TANC1: variants seen among roughly 807,000 people sequenced by gnomAD.
The protein encoded by TANC1 is protein TANC1.
In TANC1, 77 loss-of-function variants were observed where a neutral mutation model predicts 149.7. The observed-to-expected ratio is 0.51, with a 90% CI of 0.43 to 0.62. TANC1 has a LOEUF of 0.62. Among genes scored for constraint, TANC1 ranks in the 20% least tolerant of loss-of-function variants. The pLI is 0.00. For synonymous variants in TANC1, 854 were observed against 925.0 expected (o/e 0.92, Z 1.39); for missense variants, 1,985 against 2,321.8 (o/e 0.85, Z 2.98).
chr2:159,082,278 T>C (rs568765929), intron 3 of TANC1, among the ~76,000 whole-genome samples: 1 of 152,192 alleles, frequency 6.6e-6, no homozygotes, highest in South Asian at 2.1e-4. Context: ...AGCGGGCAGC[T>C]GCCCACTGCC....
At chr2:158,991,059 T>A (rs1294594515) in intron 1 of TANC1, among the ~76,000 whole-genome samples, 2 of 119,104 alleles carry the variant, frequency 1.7e-5, no homozygotes, top group African/African-American at 6.7e-5. Context: ...GCCACTGCAC[T>A]CCAACCTGGG....
chr2:159,017,158 CA>C, intron 2 of TANC1, among the ~76,000 whole-genome samples: 1 of 152,082 alleles, frequency 6.6e-6, no homozygotes, highest in Non-Finnish European at 1.5e-5. Flanking sequence ...GGCGCCCTAA[CA>C]GGGGAAAATG....
intron 2 of TANC1, among the ~76,000 whole-genome samples, chr2:159,050,282 A>AT (rs952802438): frequency 2.6e-5 from 4 of 151,914 alleles, no homozygotes; most frequent in Admixed American, 1.3e-4. Context: ...TTAAAAAAAA[A>AT]TTTTTTTTGT....
At chr2:158,972,587 A>G (rs1344359721) in intron 1 of TANC1, among the ~76,000 whole-genome samples, 2 of 152,248 alleles carry the variant, frequency 1.3e-5, no homozygotes, top group Non-Finnish European at 2.9e-5. Context: ...AACAGGTTCT[A>G]AAATGCAATT....
At chr2:159,119,338 G>A (rs1446044003) in intron 4 of TANC1, among the ~76,000 whole-genome samples, 1 of 152,212 alleles carries the variant, frequency 6.6e-6, no homozygotes, top group Non-Finnish European at 1.5e-5. Context: ...TTCAGAACCA[G>A]TGGAGGTGGG....
intron 19 of TANC1, among the ~76,000 whole-genome samples, chr2:159,203,226 G>A (rs940967051): frequency 1.8e-5 from 1 of 56,674 alleles, no homozygotes; most frequent in Non-Finnish European, 3.6e-5. Flanking sequence ...TTTTTTTTTT[G>A]AGATGGAGTC....
intron 5 of TANC1, among the ~76,000 whole-genome samples, chr2:159,145,002 G>A (rs1655285413): frequency 6.6e-6 from 1 of 152,124 alleles, no homozygotes; most frequent in African/African-American, 2.4e-5. Flanking sequence ...AATACTCAGT[G>A]TTCTTTAGAG....
chr2:159,131,892 C>T (rs2050147667), intron 4 of TANC1, among the ~76,000 whole-genome samples: 2 of 152,198 alleles, frequency 1.3e-5, no homozygotes, highest in Non-Finnish European at 2.9e-5. Context: ...CTTAATATTT[C>T]CTCTAGTAAA....
chr2:159,207,697 CAAAAAAAAA>C lies in TANC1; in HGVS notation c.3244+8666_3244+8674del, dbSNP rs10603858. ...CTGGGCGACTGAGCAACACGTGTCT[CAAAAAAAAA>C]AAAAAAAAAAAAAAAAAAAAACAAC... On this transcript the variant is annotated intron_variant, in intron 19 of 26. Coordinates refer to ENST00000263635, the MANE Select transcript of TANC1 (RefSeq NM_033394.3). Among the ~76,000 whole-genome samples the C allele has an allele frequency of 7.9e-4, 39 of 49,430 alleles. 2 individuals are homozygous for C. In the South Asian group the frequency reaches 0.016, roughly 20 times the overall value. The allele number at this position is 49,430 out of a possible 152,430, so 32.4% of individuals were successfully genotyped here. A position where few individuals can be genotyped will look rare whatever the true frequency, so the allele number is the denominator to read the frequency against.
intron 2 of TANC1, among the ~76,000 whole-genome samples, chr2:159,050,868 AG>A (rs1195619292): frequency 2.5e-4 from 38 of 152,348 alleles, no homozygotes; most frequent in African/African-American, 9.1e-4. Flanking sequence ...TATAGTTTTT[AG>A]TGAATTATCA....
intron 2 of TANC1, among the ~76,000 whole-genome samples, chr2:159,030,263 G>C (rs1338823591): frequency 6.6e-6 from 1 of 152,032 alleles, no homozygotes; most frequent in Non-Finnish European, 1.5e-5. Context: ...AATGGTGGTA[G>C]AAAGCAAAAA....
intron 2 of TANC1, among the ~76,000 whole-genome samples, chr2:159,064,434 A>G (rs925890082): frequency 6.6e-6 from 1 of 152,186 alleles, no homozygotes; most frequent in African/African-American, 2.4e-5. Context: ...CTAAGATACT[A>G]TCTTTCTAGT....
chr2:159,059,947 GTTT>G (rs571783170), intron 2 of TANC1, among the ~76,000 whole-genome samples: 2 of 102,918 alleles, frequency 1.9e-5, no homozygotes, highest in South Asian at 3.0e-4. Flanking sequence ...TGTTGTTGTT[GTTT>G]TTTTTTTTTG....
chr2:159,229,438 T>G, intron 26 of TANC1, 140 bp from the exon 27 acceptor site: 1 of 703,754 alleles, frequency 1.4e-6, no homozygotes, highest in East Asian at 2.7e-5. Flanking sequence ...GCTGGTTAAG[T>G]GGGTCCTGGC....
chr2:159,015,720 C>G (rs1444157705), intron 2 of TANC1, among the ~76,000 whole-genome samples: 1 of 152,192 alleles, frequency 6.6e-6, no homozygotes, highest in East Asian at 1.9e-4. Context: ...TCATCTCTTT[C>G]AAGTTCAGAG....
At chr2:159,133,791 C>A (rs942562387) in intron 4 of TANC1, among the ~76,000 whole-genome samples, 2 of 152,026 alleles carry the variant, frequency 1.3e-5, no homozygotes, top group Admixed American at 6.6e-5. Flanking sequence ...TTATGAAGAC[C>A]GCCAAGTGAT....
chr2:159,187,008 A>G lies in TANC1; in HGVS notation c.2726A>G (p.Tyr909Cys), dbSNP rs370089622. 1.2e-6 allele frequency: 2 copies of G among 1,614,098 alleles called. No individual in the cohort carries two copies. Among genetic ancestry groups the G allele is most frequent in the Non-Finnish European group, 1.7e-6 (2 of 1,180,004 alleles). Residue 909 changes from tyrosine to cysteine, a missense_variant, in exon 16 of 27, where the codon TAT becomes TGT. Coordinates refer to ENST00000263635, the MANE Select transcript of TANC1 (RefSeq NM_033394.3). ...GCCCTGGCCTCTCTCAGGAATCTCTATACTCCCAACGTGAAGGTGAGCAAC... is the reference window on the plus strand; with the variant it reads ...GCCCTGGCCTCTCTCAGGAATCTCTGTACTCCCAACGTGAAGGTGAGCAAC... ...SAALASLRNLYTPNVKVSRLL... is the reference protein window; with the variant it reads ...SAALASLRNLCTPNVKVSRLL...
At chr2:159,083,181 C>T (rs1449822122) in intron 3 of TANC1, among the ~76,000 whole-genome samples, 1 of 152,016 alleles carries the variant, frequency 6.6e-6, no homozygotes, top group African/African-American at 2.4e-5. Context: ...TCTTGAACTC[C>T]TGGCCTCAAG....
chr2:159,099,959 T>C (rs985870121), intron 4 of TANC1, among the ~76,000 whole-genome samples: 5 of 152,218 alleles, frequency 3.3e-5, no homozygotes, highest in African/African-American at 1.2e-4. Context: ...CTTTTAAAAG[T>C]ATCACTGAGT....
Sources: allele counts gnomAD v4.1 joint callset (sites outside exome capture counted in the v4.1 genomes callset), GRCh38; gene constraint gnomAD v4.1.1; transcripts MANE v1.5; gene names NCBI Gene and HGNC (gene_info 2026-07-23, HGNC 2026-07-21).